PPARGC1A: variants seen among roughly 807,000 people sequenced by gnomAD.
PPARGC1A encodes PPARG coactivator 1 alpha.
Under a neutral mutation model 88.7 loss-of-function variants are expected in PPARGC1A, and 25 were observed. The ratio of observed to expected loss-of-function variants is 0.28; its 90% CI spans 0.21 to 0.39. The LOEUF (loss-of-function observed/expected upper bound fraction) is 0.39, where lower values mean the gene tolerates loss of function less well. Ranked by LOEUF, PPARGC1A falls within the 10% of genes least tolerant of loss-of-function variation. The pLI is 1.00. For missense variants in PPARGC1A, 880 were observed against 968.7 expected (o/e 0.91, Z 1.22); for synonymous variants, 363 against 355.6 (o/e 1.02, Z -0.24).
chr4:23,910,222 A>ATATATAATATATATAAAT, the PPARGC1A span, among the ~76,000 whole-genome samples: 1 of 87,858 alleles, frequency 1.1e-5, no homozygotes, highest in Non-Finnish European at 2.3e-5. Flanking sequence ...TATAATATAT[A>ATATATAATATATATAAAT]ATATATTATA....
the PPARGC1A span, among the ~76,000 whole-genome samples, chr4:24,176,926 G>A: frequency 2.0e-5 from 3 of 152,188 alleles, no homozygotes; most frequent in Admixed American, 1.3e-4. Flanking sequence ...ATTCTCTGCT[G>A]TCTCAACACC....
the PPARGC1A span, among the ~76,000 whole-genome samples, chr4:24,232,864 T>G: frequency 6.6e-6 from 1 of 152,236 alleles, no homozygotes; most frequent in Non-Finnish European, 1.5e-5. Context: ...TTTGGCTAAT[T>G]AGCAGCTTCT....
the PPARGC1A span, among the ~76,000 whole-genome samples, chr4:24,405,960 C>T: frequency 6.6e-6 from 1 of 151,952 alleles, no homozygotes; most frequent in Non-Finnish European, 1.5e-5. Flanking sequence ...TCTCACTTCT[C>T]TCTTTCCCTT....
the PPARGC1A span, among the ~76,000 whole-genome samples, chr4:24,451,622 G>C: frequency 6.6e-6 from 1 of 152,106 alleles, no homozygotes; most frequent in South Asian, 2.1e-4. Flanking sequence ...TCTGTCGCCA[G>C]GCTGGAGTGC....
chr4:24,338,362 C>A, the PPARGC1A span, among the ~76,000 whole-genome samples: 1 of 152,126 alleles, frequency 6.6e-6, no homozygotes, highest in Non-Finnish European at 1.5e-5. Flanking sequence ...GTTTTTTAAT[C>A]ATTTCCTCAG....
the PPARGC1A span, among the ~76,000 whole-genome samples, chr4:24,306,021 C>A: frequency 8.5e-5 from 13 of 152,104 alleles, no homozygotes; most frequent in Non-Finnish European, 2.9e-5. Flanking sequence ...TGAATGACAC[C>A]AAAAACAGAA....
At chr4:23,907,215 G>A (rs925859115), upstream of PPARGC1A, among the ~76,000 whole-genome samples, 2 of 151,904 alleles carry the variant, frequency 1.3e-5, no homozygotes, top group Non-Finnish European at 2.9e-5. Context: ...CATCACCATC[G>A]CACCTAAAAA....
At chr4:24,151,360 A>G in the PPARGC1A span, among the ~76,000 whole-genome samples, 6 of 152,286 alleles carry the variant, frequency 3.9e-5, no homozygotes, top group South Asian at 2.1e-4. Flanking sequence ...TTGATGTGTC[A>G]TTGAACAGTG....
chr4:24,245,726 G>A, the PPARGC1A span, among the ~76,000 whole-genome samples: 1 of 152,288 alleles, frequency 6.6e-6, no homozygotes, highest in South Asian at 2.1e-4. Context: ...AAATACAGCT[G>A]CTAGACAATG....
At chr4:24,214,689 G>A in the PPARGC1A span, among the ~76,000 whole-genome samples, 2,527 of 152,122 alleles carry the variant, frequency 0.017, 85 homozygotes, top group African/African-American at 0.057. Context: ...GTGGTGTGTC[G>A]AAGGCCATTT....
chr4:24,073,594 G>A, the PPARGC1A span, among the ~76,000 whole-genome samples: 12 of 152,260 alleles, frequency 7.9e-5, no homozygotes, highest in African/African-American at 2.9e-4. Flanking sequence ...GAGTGATAGC[G>A]AGATGATGGT....
the PPARGC1A span, among the ~76,000 whole-genome samples, chr4:24,465,183 A>G: frequency 6.6e-6 from 1 of 152,192 alleles, no homozygotes; most frequent in African/African-American, 2.4e-5. Context: ...GTAAATTTCA[A>G]TAAATATAGT....
chr4:23,961,628 G>A, the PPARGC1A span, among the ~76,000 whole-genome samples: 1 of 152,058 alleles, frequency 6.6e-6, no homozygotes, highest in Non-Finnish European at 1.5e-5. Flanking sequence ...TAACCACATG[G>A]TGCCAGAACT....
chr4:24,357,161 C>T, the PPARGC1A span, among the ~76,000 whole-genome samples: 1 of 152,206 alleles, frequency 6.6e-6, no homozygotes, highest in African/African-American at 2.4e-5. Flanking sequence ...ACACCTTACA[C>T]TGGTTTCCTT....
the PPARGC1A span, among the ~76,000 whole-genome samples, chr4:24,349,791 C>G: frequency 6.6e-6 from 1 of 152,188 alleles, no homozygotes; most frequent in Non-Finnish European, 1.5e-5. Context: ...ACGCCCAATT[C>G]ACACCATCCC....
the PPARGC1A span, among the ~76,000 whole-genome samples, chr4:24,276,761 C>A: frequency 2.0e-5 from 3 of 152,146 alleles, no homozygotes; most frequent in Non-Finnish European, 4.4e-5. Context: ...CAGATGATGT[C>A]TTGTTAGATA....
At chr4:24,084,695 T>C in the PPARGC1A span, among the ~76,000 whole-genome samples, 245 of 152,298 alleles carry the variant, frequency 1.6e-3, 1 homozygote, top group African/African-American at 5.8e-3. Context: ...AATCTGATAT[T>C]TGAATCTAAG....
chr4:24,128,158 C>A, the PPARGC1A span, among the ~76,000 whole-genome samples: 2 of 152,098 alleles, frequency 1.3e-5, no homozygotes, highest in Admixed American at 6.5e-5. Flanking sequence ...TGATCAGCAT[C>A]CCCCACTTTG....
At chr4:24,460,730 C>A in the PPARGC1A span, among the ~76,000 whole-genome samples, 1 of 152,118 alleles carries the variant, frequency 6.6e-6, no homozygotes, top group Admixed American at 6.5e-5. Context: ...AAAGAAAGAC[C>A]TAAAGGATTT....
Sources: gnomAD v4.1 joint callset for allele counts (sites outside exome capture counted in the v4.1 genomes callset) on GRCh38, gnomAD v4.1.1 for gene constraint, MANE v1.5 for transcripts, NCBI Gene and HGNC (gene_info 2026-07-23, HGNC 2026-07-21) for gene names.